XKR9: variants seen among roughly 807,000 people sequenced by gnomAD.
XKR9 encodes XK related 9.
In XKR9, 32 loss-of-function variants were observed where a neutral mutation model predicts 32.0. That is an observed-to-expected ratio of 1.00 (90% CI 0.76 to 1.34). The LOEUF is 1.34. Ranked by LOEUF, XKR9 falls within the 40% of genes most tolerant of loss-of-function variation. The pLI, the probability that XKR9 is intolerant of heterozygous loss-of-function variation, is 0.00. For missense variants in XKR9, 546 were observed against 429.7 expected, an observed-to-expected ratio of 1.27 and a Z score of -2.39; for synonymous variants, 168 against 143.4, an observed-to-expected ratio of 1.17 and a Z score of -1.22.
At chr8:70,674,101 C>T (rs771362273) in intron 1 of XKR9, among the ~76,000 whole-genome samples, 5 of 150,310 alleles carry the variant, frequency 3.3e-5, no homozygotes, top group African/African-American at 4.9e-5. Flanking sequence ...CCCAGGAGTT[C>T]GAGGTTATAG....
intron 3 of XKR9, among the ~76,000 whole-genome samples, chr8:70,702,196 T>C (rs1442074180): frequency 1.3e-5 from 2 of 152,152 alleles, no homozygotes; most frequent in African/African-American, 4.8e-5. Flanking sequence ...TTTATAAAAC[T>C]TTAGGATAAA....
the XKR9 span, among the ~76,000 whole-genome samples, chr8:70,891,838 A>C: frequency 6.6e-6 from 1 of 152,050 alleles, no homozygotes; most frequent in Non-Finnish European, 1.5e-5. Context: ...AATTTGTCTA[A>C]TGCTGACAGG....
the XKR9 span, among the ~76,000 whole-genome samples, chr8:70,977,981 A>G: frequency 6.6e-6 from 1 of 152,174 alleles, no homozygotes; most frequent in Admixed American, 6.5e-5. Flanking sequence ...TCCCTTTACC[A>G]TTATGTAATG....
At chr8:70,820,665 G>A in the XKR9 span, among the ~76,000 whole-genome samples, 20 of 152,254 alleles carry the variant, frequency 1.3e-4, no homozygotes, top group East Asian at 1.2e-3. Flanking sequence ...AAATCATGGC[G>A]GAAGGCAAAG....
rs577803165 is a variant in XKR9 at position 70,741,399 on chromosome 8, A to C, written n.352+34246A>C. Among the ~76,000 whole-genome samples the C allele has an allele frequency of 2.0e-3, 303 of 152,298 alleles. 1 individual carries two copies. The highest frequency in any genetic ancestry group is 7.0e-3 in the African/African-American group (290 of 41,568). The stretch of plus-strand genomic sequence containing the variant: ...TGCTCTTGGCCTTCCCAGGCTCTGA[A>C]ACCATTAGTGAAGTAAACTTTTCTT... On this transcript the variant is annotated intron_variant and non_coding_transcript_variant, in intron 2 of 3. Transcript: ENST00000520273.
At chr8:70,763,875 T>C (rs932006892) in intron 2 of XKR9, among the ~76,000 whole-genome samples, 2 of 152,212 alleles carry the variant, frequency 1.3e-5, no homozygotes, top group Non-Finnish European at 2.9e-5. Flanking sequence ...ACTGTATTCC[T>C]AGGCAATATA....
chr8:70,868,713 A>G, the XKR9 span, among the ~76,000 whole-genome samples: 1 of 152,168 alleles, frequency 6.6e-6, no homozygotes, highest in Non-Finnish European at 1.5e-5. Flanking sequence ...GATTAACATT[A>G]GTCTCCTCAT....
chr8:71,007,193 T>C, the XKR9 span, among the ~76,000 whole-genome samples: 2 of 152,344 alleles, frequency 1.3e-5, no homozygotes, highest in South Asian at 4.1e-4. Flanking sequence ...AGCCACCTTC[T>C]GGTGGCCAAG....
intron 3 of XKR9, among the ~76,000 whole-genome samples, chr8:70,698,503 G>C (rs1270594591): frequency 2.0e-5 from 3 of 152,176 alleles, no homozygotes; most frequent in African/African-American, 7.2e-5. Flanking sequence ...TTTTGAGTGA[G>C]TTTCTTAATC....
At chr8:70,725,644 G>C (rs2132226883) in intron 4 of XKR9, among the ~76,000 whole-genome samples, 1 of 152,240 alleles carries the variant, frequency 6.6e-6, no homozygotes, top group East Asian at 1.9e-4. Flanking sequence ...GGTGGCTCAT[G>C]GCTGTAATCC....
At chr8:70,900,504 G>A in the XKR9 span, among the ~76,000 whole-genome samples, 1 of 151,896 alleles carries the variant, frequency 6.6e-6, no homozygotes, top group African/African-American at 2.4e-5. Flanking sequence ...CAGGAGAATC[G>A]CTTGAACCTG....
At chr8:70,728,179 G>C (rs141331507) in intron 4 of XKR9, among the ~76,000 whole-genome samples, 1 of 152,188 alleles carries the variant, frequency 6.6e-6, no homozygotes, top group Non-Finnish European at 1.5e-5. Flanking sequence ...GCAAGATGGA[G>C]TTGGTTAGGT....
At chr8:70,833,512 T>TA in the XKR9 span, among the ~76,000 whole-genome samples, 22 of 149,822 alleles carry the variant, frequency 1.5e-4, no homozygotes, top group East Asian at 2.3e-3. Context: ...ACTTGTTAGT[T>TA]AAAAAAAAAA....
the XKR9 span, among the ~76,000 whole-genome samples, chr8:70,827,462 G>A: frequency 6.6e-6 from 1 of 152,108 alleles, no homozygotes; most frequent in Non-Finnish European, 1.5e-5. Context: ...GTTGTGTGTA[G>A]GCATTTTACA....
At chr8:70,981,100 C>T in the XKR9 span, among the ~76,000 whole-genome samples, 1 of 152,128 alleles carries the variant, frequency 6.6e-6, no homozygotes, top group South Asian at 2.1e-4. Flanking sequence ...TTTAGATAGC[C>T]TGATGGCTAT....
At chr8:70,912,170 G>T in the XKR9 span, among the ~76,000 whole-genome samples, 3 of 152,240 alleles carry the variant, frequency 2.0e-5, no homozygotes, top group African/African-American at 7.2e-5. Flanking sequence ...GGTGAGGCTA[G>T]TGATGTAGGC....
the XKR9 span, among the ~76,000 whole-genome samples, chr8:71,045,885 T>A: frequency 1.3e-5 from 2 of 152,120 alleles, no homozygotes; most frequent in African/African-American, 4.8e-5. Context: ...GTGTCAGGCA[T>A]CCCAGTAGCT....
At chr8:70,843,967 A>G in the XKR9 span, among the ~76,000 whole-genome samples, 1 of 152,184 alleles carries the variant, frequency 6.6e-6, no homozygotes, top group Non-Finnish European at 1.5e-5. Flanking sequence ...CACCTGGAGG[A>G]CTGCGGAAGC....
chr8:70,948,269 A>T, the XKR9 span, among the ~76,000 whole-genome samples: 45 of 152,368 alleles, frequency 3.0e-4, 1 homozygote, highest in African/African-American at 1.1e-3. Flanking sequence ...CTAAAAGTAC[A>T]AATTATCTTC....
Sources: gnomAD v4.1 joint callset for allele counts (sites outside exome capture counted in the v4.1 genomes callset) on GRCh38, gnomAD v4.1.1 for gene constraint, MANE v1.5 for transcripts, NCBI Gene and HGNC (gene_info 2026-07-23, HGNC 2026-07-21) for gene names.